Variants in SEPTIN7 observed in about 807,000 individuals in gnomAD.
The protein encoded by SEPTIN7 is septin-7.
SEPTIN7 carries 10 observed loss-of-function variants against 63.3 expected under a neutral mutation model. The observed-to-expected ratio is 0.16, with a 90% CI of 0.10 to 0.27. The LOEUF is 0.27. Ranked by LOEUF, SEPTIN7 falls within the 10% of genes least tolerant of loss-of-function variation. SEPTIN7 has a pLI of 1.00. For synonymous variants in SEPTIN7, 131 were observed against 165.3 expected (o/e 0.79, Z 1.59); for missense variants, 310 against 521.0 (o/e 0.59, Z 3.94).
chr7:35,893,252 G>A (rs1787758419), intron 11 of SEPTIN7, among the ~76,000 whole-genome samples: 1 of 151,966 alleles, frequency 6.6e-6, no homozygotes, highest in Non-Finnish European at 1.5e-5. Flanking sequence ...CGTATTCTTT[G>A]ACAGTGGTAG....
chr7:35,875,848 G>A (rs1786446603), intron 6 of SEPTIN7, among the ~76,000 whole-genome samples: 1 of 152,070 alleles, frequency 6.6e-6, no homozygotes, highest in African/African-American at 2.4e-5. Flanking sequence ...AGACTTTGAG[G>A]TTAAATAGTC....
chr7:35,819,015 T>G (rs1789251971), intron 1 of SEPTIN7, among the ~76,000 whole-genome samples: 1 of 152,086 alleles, frequency 6.6e-6, no homozygotes, highest in South Asian at 2.1e-4. Flanking sequence ...TGGGTTTAGT[T>G]TATTCTTTTT....
chr7:35,831,186 G>A (rs1165001935), intron 1 of SEPTIN7, among the ~76,000 whole-genome samples: 2 of 151,954 alleles, frequency 1.3e-5, no homozygotes, highest in Non-Finnish European at 2.9e-5. Flanking sequence ...CTATATTTCA[G>A]CAGGACAGTT....
rs1788623641 is a variant in SEPTIN7 at position 35,810,481 on chromosome 7, AC to A, written c.61+9213del. 2.0e-5 allele frequency among the ~76,000 whole-genome samples: 3 copies of A among 150,066 alleles called. No individual in the cohort carries two copies. In the South Asian group the frequency reaches 6.4e-4, roughly 32 times the overall value. On this transcript the variant is annotated intron_variant, in intron 1 of 13. Coordinates refer to ENST00000350320, the MANE Select transcript of SEPTIN7 (RefSeq NM_001788.6). ...TGGGACTACAGGCGCCCGCCACCAC[AC>A]CTGGCTAATTTTTTGTGTTTTTAGT...
chr7:35,898,234 A>C lies in SEPTIN7; in HGVS notation c.999-14A>C, dbSNP rs1424133103. On this transcript the variant is annotated splice_polypyrimidine_tract_variant and intron_variant, in intron 11 of 13. Transcript: ENST00000350320. Reference sequence around the variant, plus strand: ...TCACAGACATTTAATGATTACCCTTAATATTCGTGACAGGAGCCCTCTGGC... The same window carrying C: ...TCACAGACATTTAATGATTACCCTTCATATTCGTGACAGGAGCCCTCTGGC... 1 of 1,524,900 alleles carries C rather than the reference A, an allele frequency of 6.6e-7. No homozygotes were observed. Among genetic ancestry groups the C allele is most frequent in the African/African-American group, 1.4e-5 (1 of 71,788 alleles). The allele number at this position is 1,524,900 out of a possible 1,614,324, so 94.5% of individuals were successfully genotyped here.
At chr7:35,880,331 C>T (rs908508457) in intron 7 of SEPTIN7, among the ~76,000 whole-genome samples, 4 of 150,478 alleles carry the variant, frequency 2.7e-5, no homozygotes, top group African/African-American at 9.8e-5. Context: ...CTCCCCACTC[C>T]CCATTTTGTC....
chr7:35,839,871 T>C (rs1382177535), intron 3 of SEPTIN7, among the ~76,000 whole-genome samples: 1 of 152,164 alleles, frequency 6.6e-6, no homozygotes, highest in African/African-American at 2.4e-5. Flanking sequence ...ATTTTTTTAC[T>C]GATGGACACT....
At chr7:35,901,696 A>G (rs1788330930) in intron 12 of SEPTIN7, 1 of 152,182 alleles carries the variant, frequency 6.6e-6, no homozygotes, top group African/African-American at 2.4e-5. Flanking sequence ...AAAAAAATAG[A>G]ATGTTATCAA....
At chr7:35,859,117 T>C (rs1390624394) in intron 3 of SEPTIN7, among the ~76,000 whole-genome samples, 1 of 152,192 alleles carries the variant, frequency 6.6e-6, no homozygotes, top group Non-Finnish European at 1.5e-5. Context: ...TTTAAAATCT[T>C]CATTTTTATA....
At chr7:35,882,163 G>A (rs1786918745) in intron 7 of SEPTIN7, among the ~76,000 whole-genome samples, 1 of 151,860 alleles carries the variant, frequency 6.6e-6, no homozygotes, top group Non-Finnish European at 1.5e-5. Flanking sequence ...ATGACCTAAA[G>A]TCATTATTGT....
At chr7:35,806,907 A>C (rs1318020429) in intron 1 of SEPTIN7, among the ~76,000 whole-genome samples, 1 of 152,208 alleles carries the variant, frequency 6.6e-6, no homozygotes, top group Non-Finnish European at 1.5e-5. Context: ...CACTTTGATA[A>C]ATGATAGGCC....
In SEPTIN7 at chr7:35,890,746, G is replaced by A; in HGVS notation, c.951G>A (p.Val317=). The A allele has an allele frequency of 6.3e-7, 1 of 1,597,902 alleles. No homozygotes were observed. Among genetic ancestry groups the A allele is most frequent in the South Asian group, 1.1e-5 (1 of 88,542 alleles). Residue 317 remains valine, a synonymous_variant, in exon 11 of 14, where the codon GTG becomes GTA. Transcript: ENST00000350320. ...ENYRSRKLAA[V]TYNGVDNNKN... ...ACAGAAGCAGAAAACTTGCAGCTGTGACTTATAATGGAGTTGATAACAACA... is the reference window on the plus strand; with the variant it reads ...ACAGAAGCAGAAAACTTGCAGCTGTAACTTATAATGGAGTTGATAACAACA...
At chr7:35,831,879 A>G (rs1783849292) in intron 2 of SEPTIN7, 1 of 293,280 alleles carries the variant, frequency 3.4e-6, no homozygotes, top group Non-Finnish European at 6.6e-6. Context: ...TGCTTTTTAA[A>G]TGAGAATTTA....
chr7:35,848,183 A>G (rs187664696), intron 3 of SEPTIN7, among the ~76,000 whole-genome samples: 463 of 152,184 alleles, frequency 3.0e-3, no homozygotes, highest in Non-Finnish European at 4.5e-3. Context: ...TAAAACTCTT[A>G]TTTTCTTAAT....
At chr7:35,856,686 G>T (rs9690709) in intron 3 of SEPTIN7, among the ~76,000 whole-genome samples, 1 of 151,912 alleles carries the variant, frequency 6.6e-6, no homozygotes, top group Non-Finnish European at 1.5e-5. Context: ...GCTCTTTGAG[G>T]ATCATTTCCC....
chr7:35,817,374 G>T lies in SEPTIN7; in HGVS notation c.62-14118G>T, dbSNP rs1304781089. Among the ~76,000 whole-genome samples the T allele has an allele frequency of 2.0e-5, 3 of 152,158 alleles. No individual in the cohort carries two copies. In the East Asian group the frequency reaches 5.8e-4, roughly 29 times the overall value. On this transcript the variant is annotated intron_variant, in intron 1 of 13. Transcript: ENST00000350320. ...TGGCCATAAATGTAAGGGTTTTCTT[G>T]TGGATTCTCATTTGTTTCTTATTGA...
At chr7:35,801,380 G>A (rs1260869068) in intron 1 of SEPTIN7, 110 bp downstream of exon 1, 42 of 1,358,874 alleles carry the variant, frequency 3.1e-5, no homozygotes, top group Non-Finnish European at 2.6e-5. Flanking sequence ...GGCGGAGGCA[G>A]CGGCGAGGGG....
chr7:35,849,277 C>A (rs547344448), intron 3 of SEPTIN7, among the ~76,000 whole-genome samples: 13 of 152,034 alleles, frequency 8.6e-5, no homozygotes, highest in Non-Finnish European at 1.9e-4. Flanking sequence ...GGACTGGTTT[C>A]GTGGAAGACA....
At chr7:35,811,074 C>T (rs1269014999) in intron 1 of SEPTIN7, among the ~76,000 whole-genome samples, 3 of 152,020 alleles carry the variant, frequency 2.0e-5, no homozygotes, top group Non-Finnish European at 4.4e-5. Context: ...CAGCCGAGTT[C>T]TTTCTTTTGA....
Sources: gnomAD v4.1 joint callset for allele counts (sites outside exome capture counted in the v4.1 genomes callset) on GRCh38, gnomAD v4.1.1 for gene constraint, MANE v1.5 for transcripts, NCBI Gene and HGNC (gene_info 2026-07-23, HGNC 2026-07-21) for gene names.